The following USP48 variants were observed in gnomAD, a reference collection of about 807,000 sequenced individuals.
USP48 encodes ubiquitin specific peptidase 48, also known as ubiquitin carboxyl-terminal hydrolase 48.
In USP48, 43 loss-of-function variants were observed where a neutral mutation model predicts 150.7. The ratio of observed to expected loss-of-function variants is 0.29; its 90% CI spans 0.22 to 0.37. The LOEUF (loss-of-function observed/expected upper bound fraction) is 0.37, where lower values mean the gene tolerates loss of function less well. Among genes scored for constraint, USP48 ranks in the 10% least tolerant of loss-of-function variants. The probability of loss-of-function intolerance (pLI) is 1.00; values close to 1 mark genes in which losing one functional copy is unlikely to be tolerated. For missense variants in USP48, 813 were observed against 1,249.6 expected (o/e 0.65, Z 5.27); for synonymous variants, 396 against 425.9 (o/e 0.93, Z 0.86).
chr1:21,761,519 C>A (rs1182622484), intron 1 of USP48, among the ~76,000 whole-genome samples: 2 of 152,140 alleles, frequency 1.3e-5, no homozygotes, highest in African/African-American at 2.4e-5. Context: ...AGACTTTGAA[C>A]AATAAAATGT....
intron 21 of USP48, among the ~76,000 whole-genome samples, chr1:21,702,460 A>G (rs1264448003): frequency 6.6e-6 from 1 of 151,918 alleles, no homozygotes; most frequent in Non-Finnish European, 1.5e-5. Flanking sequence ...CTTCCCAAAC[A>G]TATCCAATCA....
chr1:21,731,302 C>T (rs903082459), intron 9 of USP48, among the ~76,000 whole-genome samples: 5 of 151,932 alleles, frequency 3.3e-5, no homozygotes, highest in African/African-American at 1.2e-4. Context: ...TTTCGCTCGT[C>T]TCCCAGGCTG....
At chr1:21,739,451 G>A (rs536576616) in intron 8 of USP48, among the ~76,000 whole-genome samples, 95 of 149,792 alleles carry the variant, frequency 6.3e-4, no homozygotes, top group Middle Eastern at 6.9e-3. Flanking sequence ...CCCGGGAGGC[G>A]GAGGTTGCAG....
At chr1:21,717,971 G>A (rs72877943) in intron 14 of USP48, among the ~76,000 whole-genome samples, 2,150 of 152,202 alleles carry the variant, frequency 0.014, 19 homozygotes, top group African/African-American at 0.023. Flanking sequence ...CTGATGTGAC[G>A]GATGTATTCT....
intron 24 of USP48, among the ~76,000 whole-genome samples, chr1:21,688,960 A>T (rs1034115313): frequency 6.6e-6 from 1 of 151,942 alleles, no homozygotes; most frequent in Admixed American, 6.6e-5. Context: ...GTTGTGACAG[A>T]ACCTTGTGTT....
rs1374891389 is a variant in USP48 at position 21,678,755 on chromosome 1, TA to T, written c.*661del. On this transcript the variant is annotated 3_prime_UTR_variant, in exon 27 of 27. Transcript: ENST00000308271. ...GCCTCTGAAGTCAAAACATGAGACA[TA>T]ATTCCTTGCTCATTGCAGGAGACAT... is the stretch of plus-strand genomic sequence containing the variant. 4 of 152,374 alleles carry T rather than the reference TA, an allele frequency of 2.6e-5. No individual in the cohort carries two copies. Among genetic ancestry groups the T allele is most frequent in the African/African-American group, 9.7e-5 (4 of 41,444 alleles). The allele number at this position is 152,374 out of a possible 1,614,324, so 9.4% of individuals were successfully genotyped here. A position where few individuals can be genotyped will look rare whatever the true frequency, so the allele number is the denominator to read the frequency against.
intron 14 of USP48, among the ~76,000 whole-genome samples, chr1:21,719,305 C>G (rs2097713292): frequency 1.3e-5 from 2 of 150,328 alleles, no homozygotes; most frequent in Non-Finnish European, 3.0e-5. Flanking sequence ...AAAAAAAAGT[C>G]TCAAAAAAGA....
At chr1:21,770,588 T>C (rs975000015) in intron 1 of USP48, among the ~76,000 whole-genome samples, 7 of 151,254 alleles carry the variant, frequency 4.6e-5, no homozygotes, top group Non-Finnish European at 1.0e-4. Flanking sequence ...TTCAAGCGAT[T>C]CTCCTGCCTC....
chr1:21,781,934 C>G (rs1248925771), intron 1 of USP48: 1 of 152,136 alleles, frequency 6.6e-6, no homozygotes, highest in Non-Finnish European at 1.5e-5. Context: ...ATAGAAACTC[C>G]CTAACTTATT....
In USP48 at chr1:21,761,208, A is replaced by G. The variant is rs1012795294; in HGVS notation, c.135-3425T>C. Among the ~76,000 whole-genome samples the G allele has an allele frequency of 4.6e-5, 7 of 152,154 alleles. No individual in the cohort carries two copies. In the East Asian group the frequency reaches 1.3e-3, roughly 29 times the overall value. ...CCCGTTTGTTTAGATAGAAGAGTAC[A>G]TTATAAACTGGAAACAACCTTATCG... On this transcript the variant is annotated intron_variant, in intron 1 of 26. Transcript: ENST00000308271.
intron 12 of USP48, among the ~76,000 whole-genome samples, chr1:21,722,397 GC>G (rs2097723646): frequency 1.3e-5 from 2 of 151,196 alleles, no homozygotes; most frequent in Admixed American, 1.3e-4. Flanking sequence ...AAATTAGCAA[GC>G]CATGGTGATG....
chr1:21,754,901 C>T (rs1320386123), intron 3 of USP48, among the ~76,000 whole-genome samples: 1 of 152,146 alleles, frequency 6.6e-6, no homozygotes, highest in Non-Finnish European at 1.5e-5. Flanking sequence ...TTTCAGCCAC[C>T]CAGTGCATCC....
chr1:21,694,572 CAAAAA>C (rs1204062748), intron 23 of USP48, among the ~76,000 whole-genome samples: 2 of 12,022 alleles, frequency 1.7e-4, no homozygotes, highest in Non-Finnish European at 2.5e-4. Flanking sequence ...TCTGTCTCAC[CAAAAA>C]AAAAAAAAAA....
chr1:21,704,481 T>A, intron 19 of USP48, 89 bp from the exon 20 acceptor site: 1 of 1,349,202 alleles, frequency 7.4e-7, no homozygotes, highest in Non-Finnish European at 9.9e-7. Flanking sequence ...CCAAAACCAT[T>A]AACACTAACA....
At chr1:21,689,885 C>G in intron 24 of USP48, 89 bp downstream of exon 24, 1 of 1,530,418 alleles carries the variant, frequency 6.5e-7, no homozygotes, top group Admixed American at 1.9e-5. Context: ...AGACCCAAGG[C>G]ATCCTTTAAC....
chr1:21,694,668 T>A (rs913910356), intron 23 of USP48, among the ~76,000 whole-genome samples: 23 of 130,838 alleles, frequency 1.8e-4, no homozygotes, highest in Non-Finnish European at 9.3e-5. Context: ...GCCTAGTGAA[T>A]AAGCAATCAC....
At chr1:21,702,259 C>A (rs1465348995) in intron 21 of USP48, among the ~76,000 whole-genome samples, 1 of 151,888 alleles carries the variant, frequency 6.6e-6, no homozygotes, top group Non-Finnish European at 1.5e-5. Context: ...TTATAAGTTA[C>A]CCTTCTAAAA....
At chr1:21,740,130 T>G (rs1226275229) in intron 8 of USP48, among the ~76,000 whole-genome samples, 1 of 152,184 alleles carries the variant, frequency 6.6e-6, no homozygotes, top group Non-Finnish European at 1.5e-5. Context: ...AGGCTGGTCT[T>G]GAACTCCCAA....
intron 6 of USP48, among the ~76,000 whole-genome samples, chr1:21,749,769 A>T (rs560891898): frequency 6.6e-6 from 1 of 152,004 alleles, no homozygotes; most frequent in South Asian, 2.1e-4. Flanking sequence ...AGCCTGGTTA[A>T]TTTTTTTATT....
Sources: gnomAD v4.1 joint callset for allele counts (sites outside exome capture counted in the v4.1 genomes callset) on GRCh38, gnomAD v4.1.1 for gene constraint, MANE v1.5 for transcripts, NCBI Gene and HGNC (gene_info 2026-07-23, HGNC 2026-07-21) for gene names.